Variants in DISC1 observed in about 807,000 individuals in gnomAD.
DISC1 encodes disrupted in schizophrenia 1 protein.
Under a neutral mutation model 84.5 loss-of-function variants are expected in DISC1, and 57 were observed. The observed-to-expected ratio is 0.67, with a 90% CI of 0.55 to 0.84. The LOEUF (loss-of-function observed/expected upper bound fraction) is 0.84. DISC1 is among the 40% of genes least tolerant of loss of function. The pLI, the probability that DISC1 is intolerant of heterozygous loss-of-function variation, is 0.00. For synonymous variants in DISC1, 411 were observed against 415.2 expected (o/e 0.99, Z 0.12); for missense variants, 1,000 against 1,057.8 (o/e 0.95, Z 0.76).
chr1:231,652,384 G>C (rs2060706038), intron 1 of DISC1, among the ~76,000 whole-genome samples: 1 of 152,126 alleles, frequency 6.6e-6, no homozygotes, highest in Non-Finnish European at 1.5e-5. Flanking sequence ...TTTCCAACTT[G>C]CTTGAAGTAA....
At chr1:231,700,125 C>A (rs920877029) in intron 2 of DISC1, among the ~76,000 whole-genome samples, 1 of 152,158 alleles carries the variant, frequency 6.6e-6, no homozygotes, top group African/African-American at 2.4e-5. Context: ...ATCCCCATAA[C>A]GTGGTTCTCC....
chr1:231,769,070 T>C (rs796144167), intron 5 of DISC1, among the ~76,000 whole-genome samples: 29 of 152,248 alleles, frequency 1.9e-4, no homozygotes, highest in African/African-American at 7.0e-4. Context: ...CTTGTAAGGA[T>C]GTGGACTTTT....
chr1:231,960,281 G>C (rs904646461), intron 10 of DISC1, among the ~76,000 whole-genome samples: 2 of 152,016 alleles, frequency 1.3e-5, no homozygotes, highest in Non-Finnish European at 2.9e-5. Context: ...TTGAGATGAA[G>C]TTTCGCTCAT....
chr1:232,034,404 A>G (rs1410967408), intron 12 of DISC1, among the ~76,000 whole-genome samples: 4 of 152,222 alleles, frequency 2.6e-5, no homozygotes, highest in East Asian at 1.9e-4. Flanking sequence ...TGAGCTTACC[A>G]TAGCTAGGGA....
At chr1:231,744,254 G>A (rs1317136013) in intron 3 of DISC1, among the ~76,000 whole-genome samples, 1 of 152,172 alleles carries the variant, frequency 6.6e-6, no homozygotes, top group African/African-American at 2.4e-5. Context: ...GATGGCTTGG[G>A]ATGTTGAGCT....
chr1:231,790,421 G>A (rs770544525), intron 6 of DISC1, among the ~76,000 whole-genome samples: 8 of 152,222 alleles, frequency 5.3e-5, no homozygotes, highest in Non-Finnish European at 1.2e-4. Context: ...GGTTTCTTCT[G>A]AGGCTCCTCT....
intron 3 of DISC1, chr1:231,722,431 C>A: frequency 6.4e-7 from 1 of 1,552,588 alleles, no homozygotes; most frequent in Non-Finnish European, 8.8e-7. Context: ...CACACTCGAA[C>A]AAGTGTGTCC....
chr1:231,893,097 A>G (rs554556906), intron 9 of DISC1, among the ~76,000 whole-genome samples: 1 of 152,322 alleles, frequency 6.6e-6, no homozygotes, highest in African/African-American at 2.4e-5. Flanking sequence ...CAGGTGGTTG[A>G]AGCTGCAGTT....
At chr1:231,769,931 T>C (rs1208449976) in intron 5 of DISC1, among the ~76,000 whole-genome samples, 1 of 152,174 alleles carries the variant, frequency 6.6e-6, no homozygotes, top group Non-Finnish European at 1.5e-5. Context: ...TCTTAGAATG[T>C]CTTGGTAGTA....
intron 6 of DISC1, among the ~76,000 whole-genome samples, chr1:231,789,086 G>A (rs1242189581): frequency 1.3e-5 from 2 of 152,300 alleles, no homozygotes; most frequent in East Asian, 3.9e-4. Context: ...TTACATGTAG[G>A]TTAGTAGAAA....
intron 8 of DISC1, among the ~76,000 whole-genome samples, chr1:231,816,174 T>G (rs911413636): frequency 6.6e-6 from 1 of 152,224 alleles, no homozygotes; most frequent in African/African-American, 2.4e-5. Flanking sequence ...TATTTATGGT[T>G]TTAATTTTTC....
intron 3 of DISC1, among the ~76,000 whole-genome samples, chr1:231,704,570 C>T (rs1269498035): frequency 1.3e-5 from 2 of 151,916 alleles, no homozygotes; most frequent in Admixed American, 1.3e-4. Flanking sequence ...TCCTGGCTAA[C>T]GCAGTGAAAC....
At chr1:231,993,601 C>T (rs1241860969) in intron 10 of DISC1, among the ~76,000 whole-genome samples, 1 of 152,140 alleles carries the variant, frequency 6.6e-6, no homozygotes, top group Non-Finnish European at 1.5e-5. Context: ...TTGGTTCACT[C>T]TCTTAACATG....
In DISC1 at chr1:231,694,300, A is replaced by T; in HGVS notation, c.542A>T (p.Glu181Val). The T allele has an allele frequency of 6.2e-7, 1 of 1,614,254 alleles. No individual in the cohort carries two copies. Among genetic ancestry groups the T allele is most frequent in the Non-Finnish European group, 8.5e-7 (1 of 1,180,042 alleles). ...VRAAGSLPSA[E>V]LSSNSCSPGC... Reference sequence around the variant, plus strand: ...GCAGCAGGCTCTCTGCCATCAGCAGAGTTGAGTAGCAACAGCTGCAGCCCT... The same window carrying T: ...GCAGCAGGCTCTCTGCCATCAGCAGTGTTGAGTAGCAACAGCTGCAGCCCT... Residue 181 changes from glutamate (E) to valine (V), a missense_variant, in exon 2 of 13, where the codon GAG (glutamate) becomes GTG (valine). Glu to Val is a moderately radical substitution (Grantham distance 121). This residue lies in a region of DISC1 where 292 missense variants were observed against 280.2 expected (regional missense o/e 1.04). Transcript: ENST00000439617.
chr1:231,803,802 G>C (rs1053716400), intron 8 of DISC1, among the ~76,000 whole-genome samples: 1 of 152,016 alleles, frequency 6.6e-6, no homozygotes, highest in Admixed American at 6.6e-5. Context: ...CAAAAAATTA[G>C]CTAGGCGTCA....
intron 9 of DISC1, among the ~76,000 whole-genome samples, chr1:231,834,125 C>T (rs986598315): frequency 2.0e-5 from 3 of 152,226 alleles, no homozygotes; most frequent in Non-Finnish European, 2.9e-5. Context: ...CCTTTAGCTC[C>T]AGCCACCTTT....
chr1:231,939,344 A>G (rs1644393246), intron 9 of DISC1, among the ~76,000 whole-genome samples: 1 of 152,212 alleles, frequency 6.6e-6, no homozygotes, highest in Non-Finnish European at 1.5e-5. Context: ...GAATAAATGA[A>G]TAAATGAATG....
At position 231,723,911 on chromosome 1, in the gene DISC1, A is replaced by C. The variant is rs537144453; in HGVS notation, c.1117+21887A>C. The C allele has an allele frequency of 1.5e-5, 15 of 985,462 alleles. No individual in the cohort carries two copies. The South Asian group carries it at 7.0e-4, about 46-fold the overall frequency. The allele number at this position is 985,462 out of a possible 1,614,324, so 61.0% of individuals were successfully genotyped here. The stretch of plus-strand genomic sequence containing the variant: ...TATTGTGCCCAGTGCCGATGTCTGG[A>C]CAATTAATTCCCTAGGTCAGTGGCT... On this transcript the variant is annotated intron_variant, in intron 3 of 12. Coordinates refer to ENST00000439617, the MANE Select transcript of DISC1 (RefSeq NM_018662.3).
In DISC1 at chr1:231,877,186, A is replaced by G. The variant is rs59560076; in HGVS notation, c.1981+58669A>G. Reference sequence around the variant, plus strand: ...GAGCTCTGTGACACCTACCATTCTCAGGGGTGGCTCACATGAGCCCACCTT... The same window carrying G: ...GAGCTCTGTGACACCTACCATTCTCGGGGGTGGCTCACATGAGCCCACCTT... On this transcript the variant is annotated intron_variant, in intron 9 of 12. Transcript: ENST00000439617. 6.2e-3 allele frequency among the ~76,000 whole-genome samples: 946 copies of G among 152,342 alleles called. 5 individuals are homozygous for G. The highest frequency in any genetic ancestry group is 0.021 in the African/African-American group (892 of 41,578).
Sources: gnomAD v4.1 joint callset for allele counts (sites outside exome capture counted in the v4.1 genomes callset) on GRCh38, gnomAD v4.1.1 for gene constraint, gnomAD v4.1.1 regional missense constraint, MANE v1.5 for transcripts, NCBI Gene and HGNC (gene_info 2026-07-23, HGNC 2026-07-21) for gene names.